SLC40A1: variants seen among roughly 807,000 people sequenced by gnomAD.
SLC40A1 encodes ferroportin.
In SLC40A1, 16 loss-of-function variants were observed where a neutral mutation model predicts 53.5. The ratio of observed to expected loss-of-function variants is 0.30; its 90% CI spans 0.20 to 0.45. The LOEUF (loss-of-function observed/expected upper bound fraction) is 0.45, where lower values mean the gene tolerates loss of function less well. Ranked by LOEUF, SLC40A1 falls within the 20% of genes least tolerant of loss-of-function variation. The probability of loss-of-function intolerance (pLI) is 1.00; values close to 1 mark genes in which losing one functional copy is unlikely to be tolerated. For synonymous variants in SLC40A1, 247 were observed against 253.2 expected, an observed-to-expected ratio of 0.98 and a Z score of 0.23; for missense variants, 545 against 695.4, an observed-to-expected ratio of 0.78 and a Z score of 2.43.
At chr2:189,571,020 G>C (rs368412531) in intron 5 of SLC40A1, among the ~76,000 whole-genome samples, 2 of 152,096 alleles carry the variant, frequency 1.3e-5, no homozygotes, top group East Asian at 1.9e-4. Flanking sequence ...GTCATATGAG[G>C]GGACGGCAGG....
chr2:189,566,246 T>C (rs1322720523), intron 5 of SLC40A1, among the ~76,000 whole-genome samples: 1 of 152,084 alleles, frequency 6.6e-6, no homozygotes, highest in Non-Finnish European at 1.5e-5. Context: ...ACAAGAGAGA[T>C]TCTGGAGACC....
intron 4 of SLC40A1, among the ~76,000 whole-genome samples, 164 bp from the exon 5 acceptor site, chr2:189,572,005 A>C (rs2031143970): frequency 6.6e-6 from 1 of 152,208 alleles, no homozygotes; most frequent in Non-Finnish European, 1.5e-5. Flanking sequence ...AAACTGAATG[A>C]ATACCAGTAG....
chr2:189,563,635 G>A lies in SLC40A1; in HGVS notation c.1351C>T (p.Pro451Ser). 2 of 1,614,078 alleles carry A rather than the reference G, an allele frequency of 1.2e-6. No homozygotes were observed. Among genetic ancestry groups the A allele is most frequent in the Non-Finnish European group, 1.7e-6 (2 of 1,179,978 alleles). The change falls in exon 7 of 8, where the codon CCC becomes TCC. Residue 451 changes from proline (P) to serine (S), a missense_variant. Physicochemically the swap from Pro to Ser is moderately conservative, Grantham distance 74 (BLOSUM62 -1). Transcript: ENST00000261024. ...AACAGCAGACTGACAGAGATTATGG[G>A]CACAGATTCAGGACTTGTCTCCGGG... ...IVPETSPESV[P>S]IISVSLLFAG...
chr2:189,571,607 T>A (rs1443300095), intron 5 of SLC40A1, 108 bp downstream of exon 5: 6 of 1,524,082 alleles, frequency 3.9e-6, no homozygotes, highest in Non-Finnish European at 5.3e-6. Flanking sequence ...TTTATCATTC[T>A]TAAAAAATAC....
At chr2:189,575,053 A>C in intron 3 of SLC40A1, 108 bp downstream of exon 3, 1 of 1,270,450 alleles carries the variant, frequency 7.9e-7, no homozygotes, top group Non-Finnish European at 1.1e-6. Flanking sequence ...TGTGGCATGC[A>C]GACATTCCCT....
In SLC40A1 at chr2:189,561,090, T is replaced by C. The variant is rs906503918; in HGVS notation, c.*788A>G. ...CTAATGATGATAACATGAGTTAAAT[T>C]GGGATTCTTGCCCTTCTGTGTGGCT... On this transcript the variant is annotated 3_prime_UTR_variant, in exon 8 of 8. Transcript: ENST00000261024. 1 of 152,228 alleles carries C rather than the reference T, an allele frequency of 6.6e-6. No individual in the cohort carries two copies. The highest frequency in any genetic ancestry group is 1.5e-5 in the Non-Finnish European group (1 of 68,046). 9.4% of individuals were successfully genotyped at this position (152,228 alleles called of 1,614,324 possible).
chr2:189,563,692 T>G lies in SLC40A1; in HGVS notation c.1294A>C (p.Met432Leu), dbSNP rs11568355. The G allele has an allele frequency of 6.2e-7, 1 of 1,614,070 alleles. No individual in the cohort carries two copies. ...KIPEITTEIY[M>L]SNGSNSANIV... The stretch of plus-strand genomic sequence containing the variant: ...TTAGCAGAATTAGACCCATTAGACA[T>G]GTATATTTCAGTTGTAATTTCAGGT... The change falls in exon 7 of 8, where the codon ATG becomes CTG. Residue 432 changes from methionine to leucine, a missense_variant. By Grantham distance (15) the Met-to-Leu change is conservative. Coordinates refer to ENST00000261024, the MANE Select transcript of SLC40A1 (RefSeq NM_014585.6).
intron 2 of SLC40A1, chr2:189,578,210 C>T (rs1559015632): frequency 2.0e-6 from 2 of 991,536 alleles, no homozygotes; most frequent in South Asian, 9.4e-5. Context: ...ACATAAAAAG[C>T]ATAATTACCT....
At chr2:189,573,045 T>A in intron 3 of SLC40A1, 84 bp from the exon 4 acceptor site, 1 of 909,848 alleles carries the variant, frequency 1.1e-6, no homozygotes, top group Admixed American at 1.9e-5. Context: ...TGTTCTACTA[T>A]AATACATTAA....
In SLC40A1 at chr2:189,571,821, G is replaced by A. The variant is rs776910568; in HGVS notation, c.408C>T (p.Ile136=). 9.9e-6 allele frequency: 16 copies of A among 1,610,434 alleles called. No individual in the cohort carries two copies. The highest frequency in any genetic ancestry group is 1.4e-5 in the Non-Finnish European group (16 of 1,176,806). The change falls in exon 5 of 8, where the codon ATC becomes ATT. Residue 136 remains isoleucine (I), a synonymous_variant. Coordinates refer to ENST00000261024, the MANE Select transcript of SLC40A1 (RefSeq NM_014585.6). ...GWVLTSCYIL[I]ITIANIANLA... is the part of the protein sequence containing the mutation. ...AATTTGCAATATTTGCAATAGTGAT[G>A]ATCAGGATATAGCAGGAAGTCTAAA...
chr2:189,572,406 TCTC>T (rs2031158312), intron 4 of SLC40A1: 7 of 274,490 alleles, frequency 2.6e-5, no homozygotes, highest in South Asian at 2.3e-4. Flanking sequence ...ACCCCATCCC[TCTC>T]CTCTTTTCCA....
intron 2 of SLC40A1, among the ~76,000 whole-genome samples, chr2:189,577,299 T>C (rs1038656493): frequency 5.9e-5 from 9 of 152,208 alleles, no homozygotes; most frequent in African/African-American, 2.2e-4. Context: ...AAGGTTTTCA[T>C]GCAGCTCACA....
At position 189,560,738 on chromosome 2, in the gene SLC40A1, T is replaced by A. The variant is rs540262103; in HGVS notation, c.*1140A>T. The A allele has an allele frequency of 3.3e-5, 5 of 152,754 alleles. No individual in the cohort carries two copies. Among genetic ancestry groups the A allele is most frequent in the South Asian group, 4.1e-4 (2 of 4,834 alleles). The allele number at this position is 152,754 out of a possible 1,614,324, so 9.5% of individuals were successfully genotyped here. ...TCATAGCAACGTATTGCAGTCTCCA[T>A]GAAAGTGCATATAAACGGTTAAGGC... On this transcript the variant is annotated 3_prime_UTR_variant, in exon 8 of 8. Coordinates refer to ENST00000261024, the MANE Select transcript of SLC40A1 (RefSeq NM_014585.6).
chr2:189,573,129 C>G (rs1394254879), intron 3 of SLC40A1, among the ~76,000 whole-genome samples, 168 bp from the exon 4 acceptor site: 1 of 152,176 alleles, frequency 6.6e-6, no homozygotes, highest in African/African-American at 2.4e-5. Flanking sequence ...ACTCTCAATA[C>G]AACCCAGAGG....
At position 189,561,814 on chromosome 2, in the gene SLC40A1, C is replaced by T; in HGVS notation, c.*64G>A. The T allele has an allele frequency of 7.4e-7, 1 of 1,345,282 alleles. No homozygotes were observed. The highest frequency in any genetic ancestry group is 1.1e-6 in the Non-Finnish European group (1 of 939,204). 83.3% of individuals were successfully genotyped at this position (1,345,282 alleles called of 1,614,324 possible). On this transcript the variant is annotated 3_prime_UTR_variant, in exon 8 of 8. Coordinates refer to ENST00000261024, the MANE Select transcript of SLC40A1 (RefSeq NM_014585.6). ...CACCCAGCCATTTATTGGAATTCTG[C>T]AGTACAAAATAAGCACATGTGCTCT...
Position 189,561,767 on chromosome 2 carries a change from C to T in SLC40A1, c.*111G>A, listed in dbSNP as rs1265396961. The T allele has an allele frequency of 2.2e-6, 2 of 914,690 alleles. No homozygotes were observed. Among genetic ancestry groups the T allele is most frequent in the Non-Finnish European group, 3.5e-6 (2 of 572,872 alleles). 56.7% of individuals were successfully genotyped at this position (914,690 alleles called of 1,614,324 possible). ...ACAGCTTTTAGTTCTCAAGGCACAG[C>T]TGTGGTAAAAACAGAGCAAAACACC... is the stretch of plus-strand genomic sequence containing the variant. On this transcript the variant is annotated 3_prime_UTR_variant, in exon 8 of 8. Coordinates refer to ENST00000261024, the MANE Select transcript of SLC40A1 (RefSeq NM_014585.6).
intron 5 of SLC40A1, among the ~76,000 whole-genome samples, chr2:189,569,563 T>C (rs1419100112): frequency 1.3e-5 from 2 of 152,210 alleles, no homozygotes; most frequent in Admixed American, 6.5e-5. Flanking sequence ...AACTCTGCAA[T>C]AGCAGAAATG....
Position 189,565,213 on chromosome 2 carries a change from G to A in SLC40A1, c.760+141C>T, listed in dbSNP as rs530146970. 423 of 1,071,176 alleles carry A rather than the reference G, an allele frequency of 3.9e-4. 2 individuals are homozygous for A. In the African/African-American group the frequency reaches 5.1e-3, roughly 13 times the overall value. 66.4% of individuals were successfully genotyped at this position (1,071,176 alleles called of 1,614,324 possible). A position where few individuals can be genotyped will look rare whatever the true frequency, so the allele number is the denominator to read the frequency against. ...ATCCTCAAAAGCCTGCTCTTGCCTC[G>A]TCTACCAAAGCGATATATTTAACCT... On this transcript the variant is annotated intron_variant, in intron 6 of 7. Transcript: ENST00000261024.
intron 7 of SLC40A1, 151 bp downstream of exon 7, chr2:189,563,433 G>A: frequency 1.6e-6 from 1 of 616,940 alleles, no homozygotes; most frequent in South Asian, 2.6e-5. Flanking sequence ...TAAATATAAA[G>A]TATAAATATG....
Sources: allele counts gnomAD v4.1 joint callset (sites outside exome capture counted in the v4.1 genomes callset), GRCh38; gene constraint gnomAD v4.1.1; transcripts MANE v1.5; gene names NCBI Gene and HGNC (gene_info 2026-07-23, HGNC 2026-07-21).